The following ANKRD11 variants were observed in gnomAD, a reference collection of about 807,000 sequenced individuals.
ANKRD11 encodes the protein ankyrin repeat domain-containing protein 11.
Under a neutral mutation model 195.7 loss-of-function variants are expected in ANKRD11, and 17 were observed. That is an observed-to-expected ratio of 0.09 (90% CI 0.06 to 0.13). The LOEUF (loss-of-function observed/expected upper bound fraction) is 0.13. ANKRD11 is among the 10% of genes least tolerant of loss of function. The pLI is 1.00. For missense variants in ANKRD11, 3,735 were observed against 3,566.1 expected (o/e 1.05, Z -1.21); for synonymous variants, 1,953 against 1,528.1 (o/e 1.28, Z -6.49).
chr16:89,365,370 C>A (rs773495846), intron 2 of ANKRD11, among the ~76,000 whole-genome samples: 142 of 152,186 alleles, frequency 9.3e-4, no homozygotes, highest in Non-Finnish European at 1.5e-4. Context: ...AAATCACTGG[C>A]TGCAAAGCAC....
At chr16:89,326,059 G>A (rs139182004) in intron 2 of ANKRD11, among the ~76,000 whole-genome samples, 7 of 152,206 alleles carry the variant, frequency 4.6e-5, no homozygotes, top group African/African-American at 1.4e-4. Flanking sequence ...ACGAAGGGGA[G>A]GAGGAGCAAG....
chr16:89,344,710 A>G (rs886660551), intron 2 of ANKRD11, among the ~76,000 whole-genome samples: 4 of 152,098 alleles, frequency 2.6e-5, no homozygotes, highest in African/African-American at 9.7e-5. Flanking sequence ...TGGGAAGAAC[A>G]AAGAGCTCCC....
At chr16:89,382,061 G>C (rs2040680916) in intron 2 of ANKRD11, among the ~76,000 whole-genome samples, 1 of 152,204 alleles carries the variant, frequency 6.6e-6, no homozygotes, top group African/African-American at 2.4e-5. Context: ...TGATGGGAAG[G>C]AGCCAGTGAA....
intron 2 of ANKRD11, among the ~76,000 whole-genome samples, chr16:89,329,810 A>T (rs2037949847): frequency 6.6e-6 from 1 of 152,092 alleles, no homozygotes; most frequent in Non-Finnish European, 1.5e-5. Flanking sequence ...GGAGTTCGAA[A>T]CCAGCCTGGC....
chr16:89,359,453 G>A (rs1010971424), intron 2 of ANKRD11, among the ~76,000 whole-genome samples: 2 of 152,222 alleles, frequency 1.3e-5, no homozygotes, highest in East Asian at 1.9e-4. Flanking sequence ...CAGCGCACAC[G>A]TCTGCTGCAG....
intron 2 of ANKRD11, among the ~76,000 whole-genome samples, chr16:89,395,288 C>A (rs755648446): frequency 5.3e-5 from 8 of 152,232 alleles, no homozygotes; most frequent in Admixed American, 2.6e-4. Context: ...GAGGAATGGG[C>A]TGGACTCTTT....
intron 2 of ANKRD11, among the ~76,000 whole-genome samples, chr16:89,322,945 G>A (rs1054914447): frequency 2.0e-5 from 3 of 152,266 alleles, no homozygotes; most frequent in African/African-American, 7.2e-5. Context: ...CTGGGCTCAA[G>A]CTATCCGCTC....
chr16:89,478,161 C>A (rs1328790801), intron 1 of ANKRD11, among the ~76,000 whole-genome samples: 1 of 152,172 alleles, frequency 6.6e-6, no homozygotes, highest in Non-Finnish European at 1.5e-5. Flanking sequence ...GTTGTCAGGG[C>A]ACAGTGACAG....
chr16:89,415,461 T>A (rs2042260989), intron 2 of ANKRD11, among the ~76,000 whole-genome samples: 1 of 149,682 alleles, frequency 6.7e-6, no homozygotes, highest in Admixed American at 6.6e-5. Context: ...AGACGGGGTT[T>A]CACCGTGTTA....
intron 1 of ANKRD11, among the ~76,000 whole-genome samples, chr16:89,463,083 C>A (rs531968977): frequency 0.023 from 3,401 of 151,128 alleles, 50 homozygotes; most frequent in Non-Finnish European, 0.037. Flanking sequence ...CCAGCCGCCC[C>A]GCCCGGGAGG....
chr16:89,270,086 C>G lies in ANKRD11; in HGVS notation c.7806+731G>C, dbSNP rs114735019. The G allele has an allele frequency of 7.2e-3, 1,133 of 156,904 alleles. 11 individuals carry two copies. The highest frequency in any genetic ancestry group is 0.026 in the African/African-American group (1,061 of 41,572). The allele number at this position is 156,904 out of a possible 1,614,324, so 9.7% of individuals were successfully genotyped here. On this transcript the variant is annotated intron_variant, in intron 12 of 12. Transcript: ENST00000301030. The stretch of plus-strand genomic sequence containing the variant: ...GCCAGAAATGCACACTCAGCTACGC[C>G]TCAGACCTGAGTTCCTCAGCACAAG...
intron 2 of ANKRD11, among the ~76,000 whole-genome samples, chr16:89,393,682 G>A (rs2041301963): frequency 6.6e-6 from 1 of 151,910 alleles, no homozygotes; most frequent in South Asian, 2.1e-4. Context: ...CACCTCAGAG[G>A]ATTTGTAAGG....
chr16:89,291,811 C>A lies in ANKRD11; in HGVS notation c.227-628G>T, dbSNP rs1423340874. 7.9e-7 allele frequency: 1 copy of A among 1,273,686 alleles called. No homozygotes were observed. The highest frequency in any genetic ancestry group is 5.6e-5 in the East Asian group (1 of 17,968). The allele number at this position is 1,273,686 out of a possible 1,614,324, so 78.9% of individuals were successfully genotyped here. A position where few individuals can be genotyped will look rare whatever the true frequency, so the allele number is the denominator to read the frequency against. ...ATCAACACAGAGCACTAACAAGACA[C>A]GGTGTGAGAGCTCGGCTGTTTCCAC... On this transcript the variant is annotated intron_variant, in intron 4 of 12. Transcript: ENST00000301030. This position sits in a 1 kb window ranked among gnomAD's most constrained non-coding sequence, Gnocchi z 5.3.
rs781316368 is a variant in ANKRD11 at position 89,281,768 on chromosome 16, G to A, written c.4774C>T (p.Leu1592=). The change falls in exon 9 of 13, where the codon CTG becomes TTG. Residue 1592 remains leucine (L), a synonymous_variant. Transcript: ENST00000301030. The surrounding 1 kb of genome is among the most constrained non-coding windows in gnomAD (Gnocchi z 5.5). ...SFERMLSQKD[L]EIEERHKRHK... ...CGCTTGTGGCGCTCCTCGATCTCCAGGTCCTTCTGGGACAGCATCCTCTCG... is the reference window on the plus strand; with the variant it reads ...CGCTTGTGGCGCTCCTCGATCTCCAAGTCCTTCTGGGACAGCATCCTCTCG... 7 of 1,613,840 alleles carry A rather than the reference G, an allele frequency of 4.3e-6. No homozygotes were observed. The highest frequency in any genetic ancestry group is 5.1e-6 in the Non-Finnish European group (6 of 1,180,014).
rs1238106945 is a variant in ANKRD11 at position 89,344,222 on chromosome 16, A to C, written c.-59-27144T>G. 2.0e-5 allele frequency among the ~76,000 whole-genome samples: 3 copies of C among 152,146 alleles called. No individual in the cohort carries two copies. In the East Asian group the frequency reaches 5.8e-4, roughly 29 times the overall value. On this transcript the variant is annotated intron_variant, in intron 2 of 12. Coordinates refer to ENST00000301030, the MANE Select transcript of ANKRD11 (RefSeq NM_013275.6). ...AGTCATCACTAGGGCTTAACGATCCATTTCAAATTACATCTGCACGGTGCT... is the reference window on the plus strand; with the variant it reads ...AGTCATCACTAGGGCTTAACGATCCCTTTCAAATTACATCTGCACGGTGCT...
chr16:89,362,006 C>T (rs1396202976), intron 2 of ANKRD11, among the ~76,000 whole-genome samples: 1 of 152,150 alleles, frequency 6.6e-6, no homozygotes, highest in Admixed American at 6.5e-5. Flanking sequence ...CAGGAGGACC[C>T]TGAATTTATG....
Position 89,415,829 on chromosome 16 carries a change from CAAAAAA to C in ANKRD11, c.-60+2449_-60+2454del, listed in dbSNP as rs71134220. ...TGCACAACAAAGCTAGACTCTGTCT[CAAAAAA>C]AAAAAAAAAAAAAAACAATGGAGAA... On this transcript the variant is annotated intron_variant, in intron 2 of 12. Transcript: ENST00000301030. Among the ~76,000 whole-genome samples the C allele has an allele frequency of 3.3e-4, 13 of 39,740 alleles. No homozygotes were observed. In the South Asian group the frequency reaches 8.5e-3, roughly 26 times the overall value. The allele number at this position is 39,740 out of a possible 152,430, so 26.1% of individuals were successfully genotyped here. A position where few individuals can be genotyped will look rare whatever the true frequency, so the allele number is the denominator to read the frequency against.
chr16:89,423,325 G>C (rs141310848), intron 1 of ANKRD11, among the ~76,000 whole-genome samples: 16 of 152,364 alleles, frequency 1.1e-4, no homozygotes, highest in Admixed American at 2.0e-4. Context: ...GACACTGGCT[G>C]ACTAACCAGC....
chr16:89,387,312 GT>G (rs1316930671), intron 2 of ANKRD11, among the ~76,000 whole-genome samples: 6 of 152,064 alleles, frequency 3.9e-5, no homozygotes, highest in Non-Finnish European at 1.5e-5. Flanking sequence ...TGCGTCTGTG[GT>G]GAGGGGACAG....
Sources: allele counts gnomAD v4.1 joint callset (sites outside exome capture counted in the v4.1 genomes callset), GRCh38; gene constraint gnomAD v4.1.1; non-coding constraint Gnocchi (gnomAD v3.1); transcripts MANE v1.5; gene names NCBI Gene and HGNC (gene_info 2026-07-23, HGNC 2026-07-21).